The following DNAH6 variants were observed in gnomAD, a reference collection of about 807,000 sequenced individuals.
The protein encoded by DNAH6 is dynein axonemal heavy chain 6, also known as axonemal beta dynein heavy chain 6.
A neutral mutation model predicts 491.4 loss-of-function variants in DNAH6; 340 were observed. The observed-to-expected ratio is 0.69, with a 90% CI of 0.63 to 0.76. The LOEUF (loss-of-function observed/expected upper bound fraction) is 0.76. DNAH6 is among the 30% of genes least tolerant of loss of function. DNAH6 has a pLI of 0.00. For missense variants in DNAH6, 4,443 were observed against 4,972.2 expected, an observed-to-expected ratio of 0.89 and a Z score of 3.20; for synonymous variants, 1,603 against 1,686.1, an observed-to-expected ratio of 0.95 and a Z score of 1.21.
intron 49 of DNAH6, 136 bp from the exon 50 acceptor site, chr2:84,703,259 C>T: frequency 1.5e-6 from 1 of 652,938 alleles, no homozygotes; most frequent in Non-Finnish European, 2.4e-6. Flanking sequence ...GTAATATGTT[C>T]ACAACCTGAA....
intron 1 of DNAH6, among the ~76,000 whole-genome samples, chr2:84,517,448 C>T (rs984007508): frequency 5.3e-5 from 8 of 152,132 alleles, no homozygotes. Flanking sequence ...GCATTTTGAA[C>T]AAGTTCCGCA....
Position 84,819,521 on chromosome 2 carries a change from T to A in DNAH6, c.*113T>A. On this transcript the variant is annotated 3_prime_UTR_variant, in exon 77 of 77. Transcript: ENST00000389394. Reference sequence around the variant, plus strand: ...AAACGGTGTTAATTCTGATTTGACTTAAACGTATTGTGACTTTTATTTCTC... The same window carrying A: ...AAACGGTGTTAATTCTGATTTGACTAAAACGTATTGTGACTTTTATTTCTC... The A allele has an allele frequency of 1.6e-6, 1 of 635,190 alleles. No individual in the cohort carries two copies. Among genetic ancestry groups the A allele is most frequent in the Non-Finnish European group, 2.6e-6 (1 of 379,146 alleles). The allele number at this position is 635,190 out of a possible 1,614,324, so 39.3% of individuals were successfully genotyped here.
At chr2:84,637,526 T>A in intron 31 of DNAH6, 149 bp downstream of exon 31, 2 of 968,406 alleles carry the variant, frequency 2.1e-6, no homozygotes, top group Non-Finnish European at 2.8e-6. Context: ...TCACATGGAA[T>A]GTTAAGTTCT....
intron 20 of DNAH6, among the ~76,000 whole-genome samples, 172 bp from the exon 21 acceptor site, chr2:84,606,804 C>T (rs1322479961): frequency 1.3e-5 from 2 of 152,006 alleles, no homozygotes; most frequent in African/African-American, 4.8e-5. Context: ...ATCATGGTGC[C>T]ACAAGGATGT....
chr2:84,494,215 T>A, the DNAH6 span, among the ~76,000 whole-genome samples: 2 of 152,170 alleles, frequency 1.3e-5, no homozygotes, highest in African/African-American at 4.8e-5. Context: ...CGTTGGTCTC[T>A]CTCTGAGAGC....
chr2:84,638,284 A>G (rs970326850), intron 31 of DNAH6, among the ~76,000 whole-genome samples: 8 of 152,138 alleles, frequency 5.3e-5, no homozygotes, highest in African/African-American at 1.9e-4. Flanking sequence ...AGTTGGGACT[A>G]CAGGTACATG....
chr2:84,667,100 AG>A (rs1468299823), intron 37 of DNAH6, among the ~76,000 whole-genome samples: 1 of 152,242 alleles, frequency 6.6e-6, no homozygotes, highest in Non-Finnish European at 1.5e-5. Context: ...ATTAATTTCA[AG>A]ATGGATTAAA....
intron 62 of DNAH6, among the ~76,000 whole-genome samples, chr2:84,740,403 G>T (rs541731668): frequency 7.9e-5 from 12 of 152,126 alleles, no homozygotes; most frequent in Middle Eastern, 3.2e-3. Context: ...CTTTCAACCC[G>T]CATTCCCCAG....
At position 84,671,923 on chromosome 2, in the gene DNAH6, T is replaced by G. The variant is rs1244380347; in HGVS notation, c.6455-404T>G. Among the ~76,000 whole-genome samples the G allele has an allele frequency of 3.9e-5, 6 of 152,378 alleles. 1 individual carries two copies. The East Asian group carries it at 1.2e-3, about 29-fold the overall frequency. On this transcript the variant is annotated intron_variant, in intron 39 of 76. Transcript: ENST00000389394. ...TGGTTTCCCTGTGAGGGTACTGTGA[T>G]GACATTTATGAAAGGAAACTTTGGC...
Position 84,653,789 on chromosome 2 carries a change from A to T in DNAH6, c.5549A>T (p.Asn1850Ile). 1 of 1,551,508 alleles carries T rather than the reference A, an allele frequency of 6.4e-7. No individual in the cohort carries two copies. Among genetic ancestry groups the T allele is most frequent in the Non-Finnish European group, 8.7e-7 (1 of 1,146,734 alleles). ...GATGCTCTTTGGATTGAAAACATGA[A>T]TACAGTGCTGGATGATAACAAGATG... ...PVDALWIENM[N>I]TVLDDNKMLC... The change falls in exon 34 of 77, where the codon AAT (asparagine) becomes ATT (isoleucine). Residue 1850 changes from asparagine to isoleucine, a missense_variant. Asn to Ile is a moderately radical substitution (Grantham distance 149, BLOSUM62 -3). Transcript: ENST00000389394.
At chr2:84,504,374 G>A in the DNAH6 span, among the ~76,000 whole-genome samples, 1 of 152,058 alleles carries the variant, frequency 6.6e-6, no homozygotes, top group African/African-American at 2.4e-5. Context: ...CTGTCTGAAA[G>A]GTCACTATCT....
Position 84,616,952 on chromosome 2 carries a change from A to G in DNAH6, c.3542A>G (p.Tyr1181Cys). 2 of 1,500,350 alleles carry G rather than the reference A, an allele frequency of 1.3e-6. No homozygotes were observed. The highest frequency in any genetic ancestry group is 1.7e-4 in the Middle Eastern group (1 of 5,868). 92.9% of individuals were successfully genotyped at this position (1,500,350 alleles called of 1,614,324 possible). The change falls in exon 23 of 77, where the codon TAC (tyrosine) becomes TGC (cysteine). Residue 1181 changes from tyrosine to cysteine, a missense_variant. Transcript: ENST00000389394. ...LDQIQKCLEA[Y>C]LESKRVIFPR... ...CAAATTCAGAAGTGCCTAGAGGCATACTTAGAATCAAAAAGAGTTATCTTT... is the reference window on the plus strand; with the variant it reads ...CAAATTCAGAAGTGCCTAGAGGCATGCTTAGAATCAAAAAGAGTTATCTTT...
intron 59 of DNAH6, among the ~76,000 whole-genome samples, chr2:84,721,632 A>T (rs920450030): frequency 2.6e-5 from 4 of 152,208 alleles, no homozygotes; most frequent in African/African-American, 9.7e-5. Context: ...TTATATGTTG[A>T]TATAATATTT....
At chr2:84,544,629 C>T in intron 5 of DNAH6, 129 bp downstream of exon 5, 1 of 617,864 alleles carries the variant, frequency 1.6e-6, no homozygotes. Context: ...TCCCAGTTTT[C>T]ATCCTGTCTT....
Position 84,688,517 on chromosome 2 carries a change from C to T in DNAH6, c.7216C>T (p.Leu2406Phe), listed in dbSNP as rs964020573. 4.5e-6 allele frequency: 7 copies of T among 1,543,116 alleles called. No homozygotes were observed. Among genetic ancestry groups the T allele is most frequent in the Non-Finnish European group, 6.1e-6 (7 of 1,145,158 alleles). Residue 2406 changes from leucine to phenylalanine, a missense_variant, in exon 45 of 77, where the codon CTT becomes TTT. Transcript: ENST00000389394. ...EKTANVLQDY[L>F]DDYNLTNPKE... ...AACTGCAAATGTTCTACAGGACTAT[C>T]TTGATGATTATAATCTCACAAATCC...
chr2:84,483,635 G>C, the DNAH6 span, among the ~76,000 whole-genome samples: 1 of 151,826 alleles, frequency 6.6e-6, no homozygotes, highest in Non-Finnish European at 1.5e-5. Flanking sequence ...AAGTATGAGG[G>C]CATGAGAAAG....
chr2:84,654,957 C>G (rs1308325055), intron 35 of DNAH6, among the ~76,000 whole-genome samples, 175 bp downstream of exon 35: 1 of 151,782 alleles, frequency 6.6e-6, no homozygotes, highest in Admixed American at 6.6e-5. Flanking sequence ...ATATACTCCC[C>G]AAATCTGTCC....
chr2:84,786,434 A>G (rs1677203801), intron 67 of DNAH6, among the ~76,000 whole-genome samples: 1 of 151,608 alleles, frequency 6.6e-6, no homozygotes, highest in Admixed American at 6.6e-5. Context: ...CAAAAAAAAA[A>G]AAAAAAAAAA....
At chr2:84,716,956 T>C (rs1267393491) in intron 58 of DNAH6, among the ~76,000 whole-genome samples, 1 of 152,218 alleles carries the variant, frequency 6.6e-6, no homozygotes, top group Admixed American at 6.5e-5. Flanking sequence ...CAGGCAGTGA[T>C]ACACATTGTG....
Sources: allele counts gnomAD v4.1 joint callset (sites outside exome capture counted in the v4.1 genomes callset), GRCh38; gene constraint gnomAD v4.1.1; transcripts MANE v1.5; gene names NCBI Gene and HGNC (gene_info 2026-07-23, HGNC 2026-07-21).